MROH2A: variants seen among roughly 807,000 people sequenced by gnomAD.
The protein encoded by MROH2A is maestro heat-like repeat-containing protein family member 2A.
In MROH2A, 174 loss-of-function variants were observed where a neutral mutation model predicts 200.4. The observed-to-expected ratio is 0.87, with a 90% CI of 0.77 to 0.98. The LOEUF is 0.98. Ranked by LOEUF, MROH2A falls within the 50% of genes least tolerant of loss-of-function variation. The pLI, the probability that MROH2A is intolerant of heterozygous loss-of-function variation, is 0.00. For missense variants in MROH2A, 2,045 were observed against 2,139.6 expected, an observed-to-expected ratio of 0.96 and a Z score of 0.87; for synonymous variants, 829 against 840.4, an observed-to-expected ratio of 0.99 and a Z score of 0.23.
chr2:233,813,627 C>T (rs2126151873), intron 24 of MROH2A, 43 bp from the exon 25 acceptor site: 2 of 1,279,662 alleles, frequency 1.6e-6, no homozygotes, highest in East Asian at 5.1e-5. Context: ...AGAAGCTCAA[C>T]TCCCCAATGA....
intron 15 of MROH2A, 86 bp downstream of exon 15, chr2:233,802,401 C>A: frequency 7.1e-7 from 1 of 1,404,088 alleles, no homozygotes; most frequent in Non-Finnish European, 9.6e-7. Flanking sequence ...CCACATTCCT[C>A]CCACCCTCAT....
intron 12 of MROH2A, 58 bp from the exon 13 acceptor site, chr2:233,799,722 A>T: frequency 1.9e-6 from 3 of 1,545,748 alleles, no homozygotes; most frequent in Non-Finnish European, 2.6e-6. Context: ...ATGTCACAGG[A>T]TTGGGTGCCT....
chr2:233,828,413 A>G lies in MROH2A; in HGVS notation c.4114-217A>G, dbSNP rs1337177846. 1.8e-6 allele frequency: 1 copy of G among 546,754 alleles called. No homozygotes were observed. Among genetic ancestry groups the G allele is most frequent in the Admixed American group, 3.3e-5 (1 of 30,626 alleles). 33.9% of individuals were successfully genotyped at this position (546,754 alleles called of 1,614,324 possible). A position where few individuals can be genotyped will look rare whatever the true frequency, so the allele number is the denominator to read the frequency against. ...TTATATATATACGTAACACTTATCT[A>G]GCATTCCCCCCATATTTCCTTATTA... On this transcript the variant is annotated intron_variant, in intron 35 of 41. Coordinates refer to ENST00000389758, the MANE Select transcript of MROH2A (RefSeq NM_001394639.1). The surrounding 1 kb of genome is among the most constrained non-coding windows in gnomAD (Gnocchi z 4.6).
chr2:233,794,006 G>A (rs1701950249), intron 7 of MROH2A, among the ~76,000 whole-genome samples, 182 bp downstream of exon 7: 1 of 152,176 alleles, frequency 6.6e-6, no homozygotes, highest in Non-Finnish European at 1.5e-5. Flanking sequence ...GGACCTAGGA[G>A]CCTCATCCAC....
chr2:233,804,608 AG>A, intron 18 of MROH2A, 61 bp downstream of exon 18: 1 of 1,485,428 alleles, frequency 6.7e-7, no homozygotes, highest in Non-Finnish European at 9.2e-7. Flanking sequence ...GCAGATGGAA[AG>A]GCATTTGGTG....
chr2:233,809,069 T>G, intron 21 of MROH2A, 57 bp from the exon 22 acceptor site: 1 of 1,511,818 alleles, frequency 6.6e-7, no homozygotes, highest in Non-Finnish European at 8.9e-7. Flanking sequence ...GACCATCACC[T>G]GCATCTGGAG....
At chr2:233,784,638 C>G (rs1373204649) in intron 3 of MROH2A, among the ~76,000 whole-genome samples, 2 of 152,112 alleles carry the variant, frequency 1.3e-5, no homozygotes, top group Admixed American at 6.6e-5. Context: ...TTTAAAGGAG[C>G]CTGGCGCCTC....
chr2:233,816,574 C>G (rs1236354663), intron 26 of MROH2A, among the ~76,000 whole-genome samples: 1 of 152,208 alleles, frequency 6.6e-6, no homozygotes, highest in Non-Finnish European at 1.5e-5. Context: ...CCAAATGCAA[C>G]AGCCAAGCAC....
At chr2:233,832,668 G>T (rs996378106) in intron 41 of MROH2A, 24 bp downstream of exon 41, 1 of 1,504,390 alleles carries the variant, frequency 6.6e-7, no homozygotes, top group East Asian at 2.5e-5. Flanking sequence ...AGTGTTAGAT[G>T]TTGAGTCCAC....
Position 233,819,432 on chromosome 2 carries a change from T to C in MROH2A, c.3320T>C (p.Phe1107Ser), listed in dbSNP as rs1500480. ...HDKASVTWIA[F>S]FLQMRAKELE... ...AAGGCCTCTGTCACCTGGATAGCCT[T>C]CTTCCTCCAGATGCGGGCCAAGGAG... Residue 1107 changes from phenylalanine (F) to serine (S), a missense_variant, in exon 30 of 42, where the codon TTC (phenylalanine) becomes TCC (serine). Physicochemically the swap from Phe to Ser is radical, Grantham distance 155. Transcript: ENST00000389758. The C allele has an allele frequency of 0.84, 1,309,477 of 1,550,310 alleles. 553,534 individuals are homozygous for C. Among genetic ancestry groups the C allele is most frequent in the East Asian group, 0.88 (35,813 of 40,902 alleles).
chr2:233,822,648 G>GCC, intron 33 of MROH2A, 92 bp downstream of exon 33: 1 of 1,328,296 alleles, frequency 7.5e-7, no homozygotes, highest in Non-Finnish European at 1.0e-6. Context: ...CCAGTGAGGG[G>GCC]CCCTCTGTCT....
Position 233,833,304 on chromosome 2 carries a change from C to G in MROH2A, c.*45C>G. The stretch of plus-strand genomic sequence containing the variant: ...TAAACTGTCTTCTTAGTGCCAAATG[C>G]AAGCCCTTTTTAATTTAGTTTGTAA... On this transcript the variant is annotated 3_prime_UTR_variant, in exon 42 of 42. Coordinates refer to ENST00000389758, the MANE Select transcript of MROH2A (RefSeq NM_001394639.1). 6.8e-7 allele frequency: 1 copy of G among 1,461,988 alleles called. No individual in the cohort carries two copies. The highest frequency in any genetic ancestry group is 1.4e-5 in the African/African-American group (1 of 69,522). 90.6% of individuals were successfully genotyped at this position (1,461,988 alleles called of 1,614,324 possible). A position where few individuals can be genotyped will look rare whatever the true frequency, so the allele number is the denominator to read the frequency against.
chr2:233,826,918 G>A (rs1229092051), intron 35 of MROH2A, among the ~76,000 whole-genome samples: 5 of 152,132 alleles, frequency 3.3e-5, no homozygotes, highest in Non-Finnish European at 5.9e-5. Flanking sequence ...CAAAGGACAT[G>A]AACAGACCCT....
chr2:233,800,747 A>C (rs375405069), intron 14 of MROH2A, among the ~76,000 whole-genome samples: 2 of 152,158 alleles, frequency 1.3e-5, no homozygotes, highest in Non-Finnish European at 2.9e-5. Context: ...AGGAGTGTGC[A>C]CTAGGAGGAC....
Position 233,828,795 on chromosome 2 carries a change from C to T in MROH2A, c.4263+16C>T. 1 of 1,549,596 alleles carries T rather than the reference C, an allele frequency of 6.5e-7. No individual in the cohort carries two copies. The highest frequency in any genetic ancestry group is 8.7e-7 in the Non-Finnish European group (1 of 1,146,366). On this transcript the variant is annotated intron_variant, in intron 36 of 41. Transcript: ENST00000389758. The surrounding 1 kb of genome is among the most constrained non-coding windows in gnomAD (Gnocchi z 4.6). ...CCCCAAGAAGGTACTGTGCCTGGCC[C>T]TGGGCCCAGGTCCCGGGAGCTGAGG...
intron 3 of MROH2A, among the ~76,000 whole-genome samples, chr2:233,780,779 A>G (rs1044349558): frequency 2.0e-5 from 3 of 152,186 alleles, no homozygotes; most frequent in Non-Finnish European, 2.9e-5. Flanking sequence ...ATATACAATC[A>G]ATCATTGTTG....
At chr2:233,792,459 C>G (rs1429221093) in intron 5 of MROH2A, among the ~76,000 whole-genome samples, 4 of 152,064 alleles carry the variant, frequency 2.6e-5, no homozygotes, top group Non-Finnish European at 5.9e-5. Flanking sequence ...ACTACAGGCG[C>G]CTGCCAACAC....
In MROH2A at chr2:233,828,958, C is replaced by T. The variant is rs556489544; in HGVS notation, c.4332C>T (p.Ser1444=). ...LGPLREPVSN[S]VTAEGMEALT... is the part of the protein sequence containing the mutation. ...CCCTGAGGGAGCCCGTGAGCAACAGCGTGACTGCCGAGGGCATGGAGGCCC... is the reference window on the plus strand; with the variant it reads ...CCCTGAGGGAGCCCGTGAGCAACAGTGTGACTGCCGAGGGCATGGAGGCCC... Residue 1444 remains serine (S), a synonymous_variant, in exon 37 of 42, where the codon AGC becomes AGT. Transcript: ENST00000389758. This position sits in a 1 kb window ranked among gnomAD's most constrained non-coding sequence, Gnocchi z 4.6. 17 of 1,550,528 alleles carry T rather than the reference C, an allele frequency of 1.1e-5. No homozygotes were observed. The highest frequency in any genetic ancestry group is 8.2e-5 in the African/African-American group (6 of 73,162).
intron 5 of MROH2A, among the ~76,000 whole-genome samples, chr2:233,791,547 C>T (rs564032465): frequency 6.6e-6 from 1 of 151,902 alleles, no homozygotes; most frequent in Non-Finnish European, 1.5e-5. Context: ...GTTCAGAGGG[C>T]AGGTCTGGGC....
Sources: allele counts gnomAD v4.1 joint callset (sites outside exome capture counted in the v4.1 genomes callset), GRCh38; gene constraint gnomAD v4.1.1; non-coding constraint Gnocchi (gnomAD v3.1); transcripts MANE v1.5; gene names NCBI Gene and HGNC (gene_info 2026-07-23, HGNC 2026-07-21).